TRPC7: variants seen among roughly 807,000 people sequenced by gnomAD.
The protein encoded by TRPC7 is short transient receptor potential channel 7.
A neutral mutation model predicts 90.1 loss-of-function variants in TRPC7; 42 were observed. The ratio of observed to expected loss-of-function variants is 0.47; its 90% CI spans 0.36 to 0.60. The LOEUF (loss-of-function observed/expected upper bound fraction) is 0.60, where lower values mean the gene tolerates loss of function less well. TRPC7 is among the 20% of genes least tolerant of loss of function. The pLI is 0.00. For missense variants in TRPC7, 955 were observed against 1,112.3 expected, an observed-to-expected ratio of 0.86 and a Z score of 2.01; for synonymous variants, 451 against 436.3, an observed-to-expected ratio of 1.03 and a Z score of -0.42.
At chr5:136,241,929 T>C (rs1410528866) in intron 7 of TRPC7, among the ~76,000 whole-genome samples, 1 of 152,214 alleles carries the variant, frequency 6.6e-6, no homozygotes, top group Non-Finnish European at 1.5e-5. Context: ...TTTCTCTTTT[T>C]CTAACCCTGT....
intron 5 of TRPC7, among the ~76,000 whole-genome samples, chr5:136,258,133 A>G (rs149604398): frequency 8.5e-5 from 13 of 152,298 alleles, no homozygotes; most frequent in African/African-American, 3.1e-4. Flanking sequence ...TTTCTGACCC[A>G]TATAGTAGCT....
At chr5:136,216,971 C>T (rs1055180025) in intron 10 of TRPC7, among the ~76,000 whole-genome samples, 1 of 152,078 alleles carries the variant, frequency 6.6e-6, no homozygotes, top group Non-Finnish European at 1.5e-5. Context: ...GTTAAGCAGG[C>T]GAGGCATGAA....
intron 7 of TRPC7, among the ~76,000 whole-genome samples, chr5:136,246,387 T>G (rs1214767660): frequency 6.6e-6 from 1 of 152,124 alleles, no homozygotes; most frequent in African/African-American, 2.4e-5. Context: ...TCCCTGGAAG[T>G]GTAGGTGAGT....
chr5:136,251,409 T>G (rs562390862), intron 6 of TRPC7, among the ~76,000 whole-genome samples: 1 of 152,182 alleles, frequency 6.6e-6, no homozygotes, highest in Non-Finnish European at 1.5e-5. Context: ...ACAAAAAGAT[T>G]CATTTCTCAA....
chr5:136,303,405 C>T (rs1391344878), intron 3 of TRPC7, among the ~76,000 whole-genome samples: 5 of 152,154 alleles, frequency 3.3e-5, no homozygotes, highest in African/African-American at 9.7e-5. Context: ...TTAACCTCAC[C>T]TTCAAGGTGT....
intron 2 of TRPC7, among the ~76,000 whole-genome samples, chr5:136,339,472 A>T (rs1473005680): frequency 6.6e-6 from 1 of 152,180 alleles, no homozygotes; most frequent in Non-Finnish European, 1.5e-5. Flanking sequence ...ACTGGAGGTT[A>T]TTTGTAAATT....
chr5:136,318,759 G>T (rs1480674376), intron 2 of TRPC7, among the ~76,000 whole-genome samples: 1 of 151,684 alleles, frequency 6.6e-6, no homozygotes, highest in Non-Finnish European at 1.5e-5. Context: ...TATATGTCCA[G>T]CTCACTCCCT....
At chr5:136,292,872 G>A (rs1348403854) in intron 3 of TRPC7, among the ~76,000 whole-genome samples, 2 of 152,202 alleles carry the variant, frequency 1.3e-5, no homozygotes, top group Non-Finnish European at 2.9e-5. Context: ...TATCCTTGAT[G>A]AACATTGATG....
rs542502932 is a variant in TRPC7 at position 136,237,284 on chromosome 5, C to CA, written c.1845-5736dup. ...GAGTCTGGGGCCACAGAACTGATGC[C>CA]AAGAACTGGGATATGTAAAGCCTGT... On this transcript the variant is annotated intron_variant, in intron 7 of 11. Coordinates refer to ENST00000513104, the MANE Select transcript of TRPC7 (RefSeq NM_020389.3). 1.9e-3 allele frequency among the ~76,000 whole-genome samples: 289 copies of CA among 152,224 alleles called. 1 individual carries two copies. Among genetic ancestry groups the CA allele is most frequent in the African/African-American group, 6.4e-3 (266 of 41,536 alleles).
At chr5:136,236,131 C>T (rs573861288) in intron 7 of TRPC7, among the ~76,000 whole-genome samples, 60 of 152,270 alleles carry the variant, frequency 3.9e-4, no homozygotes, top group Middle Eastern at 3.4e-3. Flanking sequence ...TGCCAGGCAC[C>T]GTACCAGGCG....
intron 10 of TRPC7, among the ~76,000 whole-genome samples, chr5:136,216,876 C>G (rs1309395685): frequency 6.6e-6 from 1 of 152,242 alleles, no homozygotes; most frequent in African/African-American, 2.4e-5. Context: ...ATACCACTTC[C>G]CACAGGCCTG....
intron 3 of TRPC7, among the ~76,000 whole-genome samples, chr5:136,288,107 A>AT (rs542576276): frequency 1.1e-3 from 169 of 150,550 alleles, no homozygotes; most frequent in South Asian, 4.4e-3. Context: ...CAATCACTAG[A>AT]TTTTTTTTTT....
At chr5:136,218,090 G>A (rs1220368248) in intron 10 of TRPC7, among the ~76,000 whole-genome samples, 1 of 140,048 alleles carries the variant, frequency 7.1e-6, no homozygotes, top group African/African-American at 2.6e-5. Context: ...TATAATATAT[G>A]AGATATATAA....
At position 136,353,789 on chromosome 5, in the gene TRPC7, G is replaced by A. The variant is rs1016887580; in HGVS notation, c.780+2819C>T. Among the ~76,000 whole-genome samples the A allele has an allele frequency of 7.2e-5, 11 of 152,172 alleles. 1 individual carries two copies. The highest frequency in any genetic ancestry group is 2.7e-4 in the African/African-American group (11 of 41,440). On this transcript the variant is annotated intron_variant, in intron 2 of 11. Coordinates refer to ENST00000513104, the MANE Select transcript of TRPC7 (RefSeq NM_020389.3). The stretch of plus-strand genomic sequence containing the variant: ...TGATGCAAACTCTTATTCCAAGTAA[G>A]TCACTGAATTGTAGAAAGGATTTTT...
At chr5:136,232,020 G>C (rs1327369892) in intron 7 of TRPC7, among the ~76,000 whole-genome samples, 4 of 152,266 alleles carry the variant, frequency 2.6e-5, no homozygotes, top group Admixed American at 2.6e-4. Flanking sequence ...GAGATAATGT[G>C]ATATTCAGAT....
intron 3 of TRPC7, 52 bp from the exon 4 acceptor site, chr5:136,274,889 T>C: frequency 6.5e-7 from 1 of 1,530,380 alleles, no homozygotes; most frequent in Non-Finnish European, 8.8e-7. Flanking sequence ...AAAATGGCAT[T>C]GATAGCACTT....
In TRPC7 at chr5:136,320,364, G is replaced by A. The variant is rs187106774; in HGVS notation, c.781-4585C>T. Among the ~76,000 whole-genome samples, 4 of 152,172 alleles carry A rather than the reference G, an allele frequency of 2.6e-5. No individual in the cohort carries two copies. The East Asian group carries it at 5.8e-4, about 22-fold the overall frequency. The stretch of plus-strand genomic sequence containing the variant: ...CTAGAAACTCCCAACTGGTCTCTCC[G>A]ACTCTGTCCTTGTCCTGTGTAGTTG... On this transcript the variant is annotated intron_variant, in intron 2 of 11. Transcript: ENST00000513104.
intron 10 of TRPC7, among the ~76,000 whole-genome samples, chr5:136,216,757 G>T (rs565202628): frequency 6.6e-6 from 1 of 152,266 alleles, no homozygotes; most frequent in East Asian, 1.9e-4. Context: ...GAAGAGATCC[G>T]CTGGGTACAG....
chr5:136,321,806 A>G (rs1008469525), intron 2 of TRPC7, among the ~76,000 whole-genome samples: 4 of 152,218 alleles, frequency 2.6e-5, no homozygotes, highest in Admixed American at 6.5e-5. Flanking sequence ...TGTACTATAT[A>G]AGCTTTTGAG....
Sources: allele counts gnomAD v4.1 joint callset (sites outside exome capture counted in the v4.1 genomes callset), GRCh38; gene constraint gnomAD v4.1.1; transcripts MANE v1.5; gene names NCBI Gene and HGNC (gene_info 2026-07-23, HGNC 2026-07-21).